The following GLRA3 variants were observed in gnomAD, a reference collection of about 807,000 sequenced individuals.
GLRA3 encodes glycine receptor alpha 3, also known as glycine receptor subunit alpha-3.
GLRA3 carries 44 observed loss-of-function variants against 60.4 expected under a neutral mutation model. The observed-to-expected ratio is 0.73, with a 90% CI of 0.57 to 0.94. The LOEUF (loss-of-function observed/expected upper bound fraction) is 0.94. Ranked by LOEUF, GLRA3 falls within the 40% of genes least tolerant of loss-of-function variation. The pLI is 0.00. For synonymous variants in GLRA3, 223 were observed against 192.9 expected, an observed-to-expected ratio of 1.16 and a Z score of -1.29; for missense variants, 508 against 564.6, an observed-to-expected ratio of 0.90 and a Z score of 1.02.
rs76190795 is a variant in GLRA3, at chr4:174,689,398, C to G, written c.575-6459G>C. On this transcript the variant is annotated intron_variant, in intron 5 of 9. Coordinates refer to ENST00000274093, the MANE Select transcript of GLRA3 (RefSeq NM_006529.4). ...GATGTAGATATAATCTTGAGAGATG[C>G]GGAAAAAGCCTCTGAAGCCTGACTT... Among the ~76,000 whole-genome samples the G allele has an allele frequency of 7.2e-3, 1,091 of 152,124 alleles. 13 individuals carry two copies. Among genetic ancestry groups the G allele is most frequent in the African/African-American group, 0.025 (1,040 of 41,490 alleles).
chr4:174,729,680 A>AT (rs540472961), intron 3 of GLRA3, among the ~76,000 whole-genome samples: 3 of 152,140 alleles, frequency 2.0e-5, no homozygotes, highest in African/African-American at 7.2e-5. Flanking sequence ...CTTTATAAAT[A>AT]TTTTTTTCTA....
chr4:174,796,904 A>T (rs1187217597), intron 1 of GLRA3, among the ~76,000 whole-genome samples: 1 of 152,096 alleles, frequency 6.6e-6, no homozygotes, highest in Non-Finnish European at 1.5e-5. Flanking sequence ...CTCTTACTTT[A>T]ATATATTTCT....
chr4:174,793,253 T>A (rs1739428039), intron 1 of GLRA3, among the ~76,000 whole-genome samples: 1 of 151,970 alleles, frequency 6.6e-6, no homozygotes, highest in Admixed American at 6.5e-5. Flanking sequence ...TTTTACTATA[T>A]CTTTGCTTTA....
intron 6 of GLRA3, among the ~76,000 whole-genome samples, chr4:174,681,142 CATTCCTTGCTT>C (rs1419482502): frequency 1.3e-5 from 2 of 152,182 alleles, no homozygotes; most frequent in African/African-American, 4.8e-5. Context: ...CAAGATGTCC[CATTCCTTGCTT>C]ATAGTAGGCA....
rs1458225510 is a variant in GLRA3 at position 174,779,274 on chromosome 4, TAACA to T, written c.199+9538_199+9541del. Reference sequence around the variant, plus strand: ...GGGTCCTGTCTGTTAGAAGGAAAACTAACAAACAGAAAGAACATCCACACCAAAA... The same window carrying T: ...GGGTCCTGTCTGTTAGAAGGAAAACTAACAGAAAGAACATCCACACCAAAA... On this transcript the variant is annotated intron_variant, in intron 2 of 9. Coordinates refer to ENST00000274093, the MANE Select transcript of GLRA3 (RefSeq NM_006529.4). Among the ~76,000 whole-genome samples the T allele has an allele frequency of 2.6e-5, 4 of 151,992 alleles. No homozygotes were observed. In the East Asian group the frequency reaches 7.7e-4, roughly 29 times the overall value.
rs1395712117 is a variant in GLRA3, at chr4:174,637,058, A to G, written c.*6728T>C. On this transcript the variant is annotated 3_prime_UTR_variant, in exon 10 of 10. Coordinates refer to ENST00000274093, the MANE Select transcript of GLRA3 (RefSeq NM_006529.4). ...AAATTGAACTAAATATAATATAATG[A>G]AAAACAAGTTGATGAAATCGTGCAT... 6.6e-6 allele frequency: 1 copy of G among 152,214 alleles called. No individual in the cohort carries two copies. Among genetic ancestry groups the G allele is most frequent in the African/African-American group, 2.4e-5 (1 of 41,470 alleles). 9.4% of individuals were successfully genotyped at this position (152,214 alleles called of 1,614,324 possible).
At chr4:174,681,891 G>A (rs1734360062) in intron 6 of GLRA3, among the ~76,000 whole-genome samples, 1 of 152,158 alleles carries the variant, frequency 6.6e-6, no homozygotes, top group Non-Finnish European at 1.5e-5. Flanking sequence ...TAATAAGTTA[G>A]ATATCAGCTT....
intron 2 of GLRA3, among the ~76,000 whole-genome samples, chr4:174,782,599 T>C (rs1159319662): frequency 6.6e-6 from 1 of 152,084 alleles, no homozygotes; most frequent in African/African-American, 2.4e-5. Context: ...CTCCTTAAGC[T>C]GATAAGCAAC....
chr4:174,771,172 T>G (rs1420724014), intron 2 of GLRA3, among the ~76,000 whole-genome samples: 1 of 152,000 alleles, frequency 6.6e-6, no homozygotes, highest in Non-Finnish European at 1.5e-5. Context: ...ACATGGCACA[T>G]GTATACATAT....
chr4:174,821,023 T>C (rs528549280), intron 1 of GLRA3, among the ~76,000 whole-genome samples: 1 of 152,278 alleles, frequency 6.6e-6, no homozygotes, highest in South Asian at 2.1e-4. Context: ...GCTTTATAAC[T>C]AAAAGTTAAC....
intron 3 of GLRA3, among the ~76,000 whole-genome samples, chr4:174,739,847 G>C (rs1736945959): frequency 1.3e-5 from 2 of 152,188 alleles, no homozygotes; most frequent in African/African-American, 2.4e-5. Flanking sequence ...TTTTCTGGGA[G>C]CAGGACTGGG....
intron 3 of GLRA3, among the ~76,000 whole-genome samples, chr4:174,753,303 C>T (rs964879749): frequency 9.2e-5 from 14 of 152,106 alleles, no homozygotes; most frequent in Non-Finnish European, 1.3e-4. Flanking sequence ...GCCGTTTGAA[C>T]GGTCCAGAGA....
At chr4:174,756,821 T>C (rs1025548528) in intron 3 of GLRA3, among the ~76,000 whole-genome samples, 2 of 151,442 alleles carry the variant, frequency 1.3e-5, no homozygotes, top group East Asian at 4.0e-4. Flanking sequence ...ATATTTTGTA[T>C]TTTTTTTAGT....
chr4:174,721,321 C>T (rs1299956278), intron 4 of GLRA3, among the ~76,000 whole-genome samples: 3 of 152,180 alleles, frequency 2.0e-5, no homozygotes, highest in East Asian at 3.9e-4. Context: ...AAGTGACATT[C>T]ATGAATTATA....
At chr4:174,819,479 A>T (rs1272559709) in intron 1 of GLRA3, among the ~76,000 whole-genome samples, 1 of 152,150 alleles carries the variant, frequency 6.6e-6, no homozygotes, top group African/African-American at 2.4e-5. Flanking sequence ...TTTCCTGACC[A>T]TTCAAATTCC....
rs1252417907 is a variant in GLRA3 at position 174,638,087 on chromosome 4, A to T, written c.*5699T>A. 1 of 151,684 alleles carries T rather than the reference A, an allele frequency of 6.6e-6. No individual in the cohort carries two copies. The highest frequency in any genetic ancestry group is 1.5e-5 in the Non-Finnish European group (1 of 68,024). The allele number at this position is 151,684 out of a possible 1,614,324, so 9.4% of individuals were successfully genotyped here. On this transcript the variant is annotated 3_prime_UTR_variant, in exon 10 of 10. Transcript: ENST00000274093. Reference sequence around the variant, plus strand: ...GAATAAACTTACTTGGTATTTTAGGAAGTAAAAGTCATTTCTTGATGAAGA... The same window carrying T: ...GAATAAACTTACTTGGTATTTTAGGTAGTAAAAGTCATTTCTTGATGAAGA...
At chr4:174,806,189 A>G (rs990060132) in intron 1 of GLRA3, among the ~76,000 whole-genome samples, 1 of 152,174 alleles carries the variant, frequency 6.6e-6, no homozygotes, top group African/African-American at 2.4e-5. Context: ...TTAAAATTAT[A>G]AACTTAAATC....
chr4:174,716,439 A>G (rs1430415118), intron 4 of GLRA3, among the ~76,000 whole-genome samples: 1 of 152,214 alleles, frequency 6.6e-6, no homozygotes, highest in East Asian at 1.9e-4. Context: ...CTGGAAAAGC[A>G]TTCTACCCAG....
At chr4:174,664,374 G>T (rs1344210234) in intron 7 of GLRA3, among the ~76,000 whole-genome samples, 2 of 151,960 alleles carry the variant, frequency 1.3e-5, no homozygotes, top group African/African-American at 2.4e-5. Context: ...TGACTAAAAA[G>T]GAGTCAAGAA....
Sources: allele counts gnomAD v4.1 joint callset (sites outside exome capture counted in the v4.1 genomes callset), GRCh38; gene constraint gnomAD v4.1.1; transcripts MANE v1.5; gene names NCBI Gene and HGNC (gene_info 2026-07-23, HGNC 2026-07-21).